The following SYNCRIP variants were observed in gnomAD, a reference collection of about 807,000 sequenced individuals.
The protein encoded by SYNCRIP is heterogeneous nuclear ribonucleoprotein Q.
SYNCRIP carries 9 observed loss-of-function variants against 68.9 expected under a neutral mutation model. The observed-to-expected ratio is 0.13, with a 90% confidence interval of 0.08 to 0.23. The LOEUF (loss-of-function observed/expected upper bound fraction) is 0.23. Ranked by LOEUF, SYNCRIP falls within the 10% of genes least tolerant of loss-of-function variation. SYNCRIP has a pLI of 1.00. For missense variants in SYNCRIP, 414 were observed against 770.6 expected (o/e 0.54, Z 5.48); for synonymous variants, 258 against 254.0 (o/e 1.02, Z -0.15).
At chr6:85,611,157 C>T (rs1221688400), downstream of SYNCRIP, 1 of 152,008 alleles carries the variant, frequency 6.6e-6, no homozygotes, top group Non-Finnish European at 1.5e-5. Flanking sequence ...AGGCTATTGG[C>T]AACCACTATT....
chr6:85,614,730 CCAATTTTA>C lies in SYNCRIP; in HGVS notation c.*18_*25del. ...GAGTTTCTGATCAACCTATCAGTCT[CCAATTTTA>C]CAGAGGCCCTACTGTTTCTACTTCC... is the stretch of plus-strand genomic sequence containing the variant. On this transcript the variant is annotated 3_prime_UTR_variant, in exon 11 of 11. Transcript: ENST00000369622. 1 of 1,545,896 alleles carries C rather than the reference CCAATTTTA, an allele frequency of 6.5e-7. No homozygotes were observed. The highest frequency in any genetic ancestry group is 8.7e-7 in the Non-Finnish European group (1 of 1,149,994).
intron 1 of SYNCRIP, among the ~76,000 whole-genome samples, chr6:85,642,106 AACATCAACCCG>A (rs1163697451): frequency 6.6e-6 from 1 of 152,172 alleles, no homozygotes; most frequent in Admixed American, 6.5e-5. Context: ...ACTGGTTCCC[AACATCAACCCG>A]AAGCCGCGGT....
rs531491608 is a variant in SYNCRIP, at chr6:85,614,105, A to T, written c.*651T>A. The T allele has an allele frequency of 3.0e-6, 3 of 985,912 alleles. No individual in the cohort carries two copies. In the African/African-American group the frequency reaches 5.2e-5, roughly 17 times the overall value. The allele number at this position is 985,912 out of a possible 1,614,324, so 61.1% of individuals were successfully genotyped here. A position where few individuals can be genotyped will look rare whatever the true frequency, so the allele number is the denominator to read the frequency against. On this transcript the variant is annotated 3_prime_UTR_variant, in exon 11 of 11. Transcript: ENST00000369622. Reference sequence around the variant, plus strand: ...ATGTGCAGACATATTCCACACAAGAATTAACAAGGCACAAAACCCTTTAAT... The same window carrying T: ...ATGTGCAGACATATTCCACACAAGATTTAACAAGGCACAAAACCCTTTAAT...
chr6:85,611,556 A>C (rs780574579), downstream of SYNCRIP: 1 of 152,530 alleles, frequency 6.6e-6, no homozygotes, highest in African/African-American at 2.4e-5. Context: ...ACCAAGTCCT[A>C]ATGAAACTAT....
chr6:85,631,548 C>CA (rs1807792003), intron 6 of SYNCRIP, among the ~76,000 whole-genome samples: 1 of 152,096 alleles, frequency 6.6e-6, no homozygotes, highest in African/African-American at 2.4e-5. Flanking sequence ...TAAGTTTCTT[C>CA]AGTAGTCTGA....
chr6:85,641,483 G>T (rs753209587), intron 1 of SYNCRIP, 32 bp from the exon 2 acceptor site: 2 of 1,585,138 alleles, frequency 1.3e-6, no homozygotes, highest in African/African-American at 2.7e-5. Flanking sequence ...AATTAAACTA[G>T]GATCTTCAAA....
chr6:85,637,346 T>C lies in SYNCRIP; in HGVS notation c.386A>G (p.Glu129Gly), dbSNP rs747021777. The part of the protein sequence containing the change: ...PDEAKIKALL[E>G]RTGYTLDVTT... ...CACATCAAGTGTGTAGCCTGTTCTTTCCAAGAGTGCCTTGAAAAGTTCAAA... is the reference window on the plus strand; with the variant it reads ...CACATCAAGTGTGTAGCCTGTTCTTCCCAAGAGTGCCTTGAAAAGTTCAAA... Residue 129 changes from glutamate (E) to glycine (G), a missense_variant, in exon 5 of 11, where the codon GAA becomes GGA. Physicochemically the swap from Glu to Gly is moderately conservative, Grantham distance 98. Coordinates refer to ENST00000369622, the MANE Select transcript of SYNCRIP (RefSeq NM_006372.5). The C allele has an allele frequency of 1.9e-6, 3 of 1,610,186 alleles. No homozygotes were observed. The highest frequency in any genetic ancestry group is 1.3e-5 in the African/African-American group (1 of 74,896).
downstream of SYNCRIP, chr6:85,611,312 C>T (rs558004015): frequency 6.6e-6 from 1 of 152,646 alleles, no homozygotes. Context: ...GTTACACTCG[C>T]CTCCAGCTTA....
upstream of SYNCRIP, chr6:85,643,073 C>G (rs896998901): frequency 6.6e-6 from 1 of 150,752 alleles, no homozygotes; most frequent in Non-Finnish European, 1.5e-5. Flanking sequence ...CTGCCCTCCT[C>G]CAGCTCCTCC....
intron 6 of SYNCRIP, among the ~76,000 whole-genome samples, chr6:85,633,986 T>C (rs1332549932): frequency 6.6e-6 from 1 of 152,090 alleles, no homozygotes; most frequent in African/African-American, 2.4e-5. Context: ...ACAAAATAAT[T>C]ATGCCCCCAG....
chr6:85,632,284 A>C (rs1807886320), intron 6 of SYNCRIP, among the ~76,000 whole-genome samples: 1 of 152,228 alleles, frequency 6.6e-6, no homozygotes, highest in African/African-American at 2.4e-5. Context: ...GAGGTGCTTC[A>C]ATCTTGTCTG....
chr6:85,625,236 T>C (rs779448988), intron 6 of SYNCRIP, among the ~76,000 whole-genome samples: 1 of 152,154 alleles, frequency 6.6e-6, no homozygotes, highest in Non-Finnish European at 1.5e-5. Context: ...TATTCAAGTG[T>C]GTGGCCCTCC....
chr6:85,612,981 C>T, downstream of SYNCRIP: 1 of 1,521,780 alleles, frequency 6.6e-7, no homozygotes, highest in Admixed American at 2.0e-5. Flanking sequence ...ATAATGTGTA[C>T]ATACATAATG....
At chr6:85,617,574 G>A (rs1805928702) in intron 10 of SYNCRIP, among the ~76,000 whole-genome samples, 1 of 152,162 alleles carries the variant, frequency 6.6e-6, no homozygotes. Context: ...CCCAGAACAA[G>A]CATGGGTCAC....
chr6:85,614,194 A>T lies in SYNCRIP; in HGVS notation c.*562T>A, dbSNP rs974120309. On this transcript the variant is annotated 3_prime_UTR_variant, in exon 11 of 11. Transcript: ENST00000369622. ...GGAAATTTTGTGAAAAACGAATTGT[A>T]AACACAATTTTAGTAAGTATACATT... 6.1e-6 allele frequency: 6 copies of T among 985,584 alleles called. No homozygotes were observed. The highest frequency in any genetic ancestry group is 5.2e-4 in the Middle Eastern group (1 of 1,938). 61.1% of individuals were successfully genotyped at this position (985,584 alleles called of 1,614,324 possible).
intron 6 of SYNCRIP, among the ~76,000 whole-genome samples, chr6:85,630,315 C>T (rs980190321): frequency 6.6e-6 from 1 of 152,158 alleles, no homozygotes; most frequent in African/African-American, 2.4e-5. Context: ...GAGCCGAGAT[C>T]GTGCCACTGC....
At chr6:85,626,465 G>C (rs1404042431) in intron 6 of SYNCRIP, among the ~76,000 whole-genome samples, 1 of 151,844 alleles carries the variant, frequency 6.6e-6, no homozygotes, top group Admixed American at 6.6e-5. Flanking sequence ...GGTATAATGA[G>C]GGGGGGAACT....
chr6:85,640,372 G>A (rs539140450), intron 3 of SYNCRIP, 44 bp from the exon 4 acceptor site: 2 of 1,590,978 alleles, frequency 1.3e-6, no homozygotes, highest in East Asian at 4.5e-5. Context: ...AACCATATCT[G>A]AGTCTAATAA....
chr6:85,641,361 A>C lies in SYNCRIP; in HGVS notation c.79T>G (p.Phe27Val), dbSNP rs1457659607. Reference protein sequence around the residue: ...TTSAVIHSENFQTLLDAGLPQ... With the variant: ...TTSAVIHSENVQTLLDAGLPQ... ...AAACCAGCATCAAGCAATGTCTGAA[A>C]ATTTTCTGAATGGATAACTGCAGAA... is the stretch of plus-strand genomic sequence containing the variant. The change falls in exon 2 of 11, where the codon TTT becomes GTT. Residue 27 changes from phenylalanine to valine, a missense_variant. Physicochemically the swap from Phe to Val is conservative, Grantham distance 50 (BLOSUM62 -1). Coordinates refer to ENST00000369622, the MANE Select transcript of SYNCRIP (RefSeq NM_006372.5). The C allele has an allele frequency of 6.2e-7, 1 of 1,612,994 alleles. No individual in the cohort carries two copies.
Sources: gnomAD v4.1 joint callset for allele counts (sites outside exome capture counted in the v4.1 genomes callset) on GRCh38, gnomAD v4.1.1 for gene constraint, MANE v1.5 for transcripts, NCBI Gene and HGNC (gene_info 2026-07-23, HGNC 2026-07-21) for gene names.